DPYSL2: variants seen among roughly 807,000 people sequenced by gnomAD.
DPYSL2 encodes the protein dihydropyrimidinase-related protein 2.
Under a neutral mutation model 69.9 loss-of-function variants are expected in DPYSL2, and 13 were observed. The observed-to-expected ratio is 0.19, with a 90% CI of 0.12 to 0.30. DPYSL2 has a LOEUF of 0.30. Ranked by LOEUF, DPYSL2 falls within the 10% of genes least tolerant of loss-of-function variation. The pLI is 1.00. For synonymous variants in DPYSL2, 326 were observed against 359.1 expected (o/e 0.91, Z 1.04); for missense variants, 587 against 918.9 (o/e 0.64, Z 4.67).
rs564170872 is a variant in DPYSL2 at position 26,642,419 on chromosome 8, G to C, written c.1127-1020G>C. 6.6e-6 allele frequency among the ~76,000 whole-genome samples: 1 copy of C among 152,252 alleles called. No individual in the cohort carries two copies. The highest frequency in any genetic ancestry group is 6.5e-5 in the Admixed American group (1 of 15,292). On this transcript the variant is annotated intron_variant, in intron 8 of 13. Transcript: ENST00000521913. The surrounding 1 kb of genome is among the most constrained non-coding windows in gnomAD (Gnocchi z 5.3). Reference sequence around the variant, plus strand: ...TCTTTTAAGTCCTTGAATGCAGAAGGGCTCCTTTGGAAGATTTTATGCAAG... The same window carrying C: ...TCTTTTAAGTCCTTGAATGCAGAAGCGCTCCTTTGGAAGATTTTATGCAAG...
chr8:26,549,099 G>T (rs1430301539), intron 1 of DPYSL2, among the ~76,000 whole-genome samples: 2 of 151,762 alleles, frequency 1.3e-5, no homozygotes, highest in East Asian at 3.9e-4. Flanking sequence ...TGAGGCAAGA[G>T]AATCACTTGA....
rs113691653 is a variant in DPYSL2 at position 26,548,747 on chromosome 8, T to C, written c.355-33222T>C. On this transcript the variant is annotated intron_variant, in intron 1 of 13. Coordinates refer to ENST00000521913, the MANE Select transcript of DPYSL2 (RefSeq NM_001197293.3). The stretch of plus-strand genomic sequence containing the variant: ...AAAAAAAAGTCACCAGACATGGTAG[T>C]GCATGCCTGTGGTCCCAGCTACTTG... 3.3e-3 allele frequency among the ~76,000 whole-genome samples: 501 copies of C among 149,574 alleles called. 1 individual carries two copies. The highest frequency in any genetic ancestry group is 0.014 in the Middle Eastern group (4 of 284).
At chr8:26,632,234 C>T (rs1216773364) in intron 7 of DPYSL2, among the ~76,000 whole-genome samples, 1 of 152,158 alleles carries the variant, frequency 6.6e-6, no homozygotes, top group Non-Finnish European at 1.5e-5. Context: ...GCGACTGAGC[C>T]TGCGTGACAA....
At chr8:26,603,135 G>T (rs1001602825) in intron 3 of DPYSL2, among the ~76,000 whole-genome samples, 2 of 152,018 alleles carry the variant, frequency 1.3e-5, no homozygotes, top group African/African-American at 4.8e-5. Flanking sequence ...TCATTTCTCG[G>T]AGCCACAGTT....
rs998131689 is a variant in DPYSL2 at position 26,596,135 on chromosome 8, G to T, written c.628+12152G>T. Among the ~76,000 whole-genome samples the T allele has an allele frequency of 2.6e-5, 4 of 152,172 alleles. No individual in the cohort carries two copies. The East Asian group carries it at 7.7e-4, about 29-fold the overall frequency. Reference sequence around the variant, plus strand: ...TATTTTGGAGCTAACTCTGAGCCCAGTGAGGGAGGACCTAATCTTTTGGAG... The same window carrying T: ...TATTTTGGAGCTAACTCTGAGCCCATTGAGGGAGGACCTAATCTTTTGGAG... On this transcript the variant is annotated intron_variant, in intron 3 of 13. Transcript: ENST00000521913.
At chr8:26,646,260 T>A (rs1803162433) in intron 10 of DPYSL2, among the ~76,000 whole-genome samples, 1 of 152,128 alleles carries the variant, frequency 6.6e-6, no homozygotes, top group Non-Finnish European at 1.5e-5. Flanking sequence ...TTCTTGATTA[T>A]GTTTGTAGGA....
At chr8:26,611,219 G>A (rs1802219637) in intron 3 of DPYSL2, among the ~76,000 whole-genome samples, 2 of 152,352 alleles carry the variant, frequency 1.3e-5, no homozygotes, top group Admixed American at 6.5e-5. Context: ...TCCTGTCCTT[G>A]TTCCGAGAAA....
intron 8 of DPYSL2, among the ~76,000 whole-genome samples, chr8:26,635,229 TCCA>T (rs1802883110): frequency 6.6e-6 from 1 of 152,240 alleles, no homozygotes; most frequent in Non-Finnish European, 1.5e-5. Context: ...TACGTCAGTT[TCCA>T]TCCGCCCCAG....
chr8:26,627,732 T>G lies in DPYSL2; in HGVS notation c.937-140T>G. ...ACAGGGCAGTGAACCCTTCTCTTCA[T>G]GAGGTCTTGGGATGAGGGCAGAACG... On this transcript the variant is annotated intron_variant, in intron 6 of 13. Transcript: ENST00000521913. The surrounding 1 kb of genome is among the most constrained non-coding windows in gnomAD (Gnocchi z 6.9). 3 of 804,316 alleles carry G rather than the reference T, an allele frequency of 3.7e-6. No individual in the cohort carries two copies. Among genetic ancestry groups the G allele is most frequent in the Non-Finnish European group, 4.0e-6 (2 of 494,136 alleles). The allele number at this position is 804,316 out of a possible 1,614,324, so 49.8% of individuals were successfully genotyped here. A position where few individuals can be genotyped will look rare whatever the true frequency, so the allele number is the denominator to read the frequency against.
chr8:26,628,728 G>A (rs1802673152), intron 7 of DPYSL2, among the ~76,000 whole-genome samples: 1 of 152,176 alleles, frequency 6.6e-6, no homozygotes, highest in Non-Finnish European at 1.5e-5. Flanking sequence ...TGGCAGAAAA[G>A]GGACTGGCGC....
chr8:26,657,489 C>T lies in DPYSL2; in HGVS notation c.*1783C>T, dbSNP rs41276289. The T allele has an allele frequency of 6.6e-5, 10 of 152,564 alleles. No homozygotes were observed. In the East Asian group the frequency reaches 7.7e-4, roughly 12 times the overall value. 9.5% of individuals were successfully genotyped at this position (152,564 alleles called of 1,614,324 possible). A position where few individuals can be genotyped will look rare whatever the true frequency, so the allele number is the denominator to read the frequency against. ...GGTCATTCCATCACCACCCTTGTCT[C>T]TCTACACATTTTGCCTTTGGGGATC... On this transcript the variant is annotated 3_prime_UTR_variant, in exon 14 of 14. Transcript: ENST00000521913.
chr8:26,655,562 TTG>T, intron 13 of DPYSL2, 51 bp from the exon 14 acceptor site: 1 of 1,462,576 alleles, frequency 6.8e-7, no homozygotes. Flanking sequence ...AAGCAGGATC[TTG>T]TGTGACTGTC....
In DPYSL2 at chr8:26,642,476, A is replaced by G. The variant is rs533102323; in HGVS notation, c.1127-963A>G. Among the ~76,000 whole-genome samples the G allele has an allele frequency of 1.3e-4, 20 of 152,308 alleles. No homozygotes were observed. Among genetic ancestry groups the G allele is most frequent in the African/African-American group, 4.8e-4 (20 of 41,570 alleles). Reference sequence around the variant, plus strand: ...CCATGGAAAGATTATATTATAGTGGATCACTCTGGAAGTGTCATGCGGAAT... The same window carrying G: ...CCATGGAAAGATTATATTATAGTGGGTCACTCTGGAAGTGTCATGCGGAAT... On this transcript the variant is annotated intron_variant, in intron 8 of 13. Coordinates refer to ENST00000521913, the MANE Select transcript of DPYSL2 (RefSeq NM_001197293.3). The surrounding 1 kb of genome is among the most constrained non-coding windows in gnomAD (Gnocchi z 5.3).
At chr8:26,646,759 G>A (rs1235488190) in intron 10 of DPYSL2, among the ~76,000 whole-genome samples, 1 of 152,014 alleles carries the variant, frequency 6.6e-6, no homozygotes, top group African/African-American at 2.4e-5. Flanking sequence ...GGGAGAGCGA[G>A]GTGGGAGGGT....
At chr8:26,645,466 T>C (rs986585589) in intron 10 of DPYSL2, among the ~76,000 whole-genome samples, 1 of 152,082 alleles carries the variant, frequency 6.6e-6, no homozygotes, top group Non-Finnish European at 1.5e-5. Context: ...TTAAAAAAAA[T>C]TTTATCATGG....
intron 1 of DPYSL2, among the ~76,000 whole-genome samples, chr8:26,524,801 C>CAAAAAAAAAAAAAA (rs753822230): frequency 2.4e-5 from 1 of 41,086 alleles, no homozygotes; most frequent in African/African-American, 1.0e-4. Flanking sequence ...GACTCTGTCT[C>CAAAAAAAAAAAAAA]AAAAAAAAAA....
chr8:26,588,353 C>T lies in DPYSL2; in HGVS notation c.628+4370C>T, dbSNP rs1007809696. Among the ~76,000 whole-genome samples the T allele has an allele frequency of 3.3e-5, 5 of 152,168 alleles. No homozygotes were observed. Among genetic ancestry groups the T allele is most frequent in the African/African-American group, 1.2e-4 (5 of 41,436 alleles). On this transcript the variant is annotated intron_variant, in intron 3 of 13. Transcript: ENST00000521913. This position sits in a 1 kb window ranked among gnomAD's most constrained non-coding sequence, Gnocchi z 5.4. ...TTACACTTCCTGGGTCCCACCTTAC[C>T]TGGTTAAAGTAGCAAATCTGCTGGT...
In DPYSL2 at chr8:26,643,340, G is replaced by A; in HGVS notation, c.1127-99G>A. 7.7e-7 allele frequency: 1 copy of A among 1,292,324 alleles called. No homozygotes were observed. The highest frequency in any genetic ancestry group is 1.1e-6 in the Non-Finnish European group (1 of 938,328). The allele number at this position is 1,292,324 out of a possible 1,614,324, so 80.1% of individuals were successfully genotyped here. A position where few individuals can be genotyped will look rare whatever the true frequency, so the allele number is the denominator to read the frequency against. On this transcript the variant is annotated intron_variant, in intron 8 of 13. Coordinates refer to ENST00000521913, the MANE Select transcript of DPYSL2 (RefSeq NM_001197293.3). This position sits in a 1 kb window ranked among gnomAD's most constrained non-coding sequence, Gnocchi z 6.5. ...GATATTTCCTATAAAGGGATAGTGA[G>A]TGCACTGGGTGCTGCTGGGCAGGCA... is the stretch of plus-strand genomic sequence containing the variant.
At chr8:26,607,373 C>T (rs2129838367) in intron 3 of DPYSL2, among the ~76,000 whole-genome samples, 1 of 151,522 alleles carries the variant, frequency 6.6e-6, no homozygotes, top group East Asian at 2.0e-4. Context: ...GTTCCAGCTA[C>T]TTGGGAGGCT....
Sources: allele counts gnomAD v4.1 joint callset (sites outside exome capture counted in the v4.1 genomes callset), GRCh38; gene constraint gnomAD v4.1.1; non-coding constraint Gnocchi (gnomAD v3.1); transcripts MANE v1.5; gene names NCBI Gene and HGNC (gene_info 2026-07-23, HGNC 2026-07-21).